The following EXT1 variants were observed in gnomAD, a reference collection of about 807,000 sequenced individuals.
EXT1 encodes the protein exostosin-1.
EXT1 carries 20 observed loss-of-function variants against 82.5 expected under a neutral mutation model. That is an observed-to-expected ratio of 0.24 (90% CI 0.17 to 0.35). The LOEUF (loss-of-function observed/expected upper bound fraction) is 0.35, where lower values mean the gene tolerates loss of function less well. Ranked by LOEUF, EXT1 falls within the 10% of genes least tolerant of loss-of-function variation. The pLI, the probability that EXT1 is intolerant of heterozygous loss-of-function variation, is 1.00. For missense variants in EXT1, 757 were observed against 936.5 expected, an observed-to-expected ratio of 0.81 and a Z score of 2.50; for synonymous variants, 348 against 350.8, an observed-to-expected ratio of 0.99 and a Z score of 0.09.
intron 1 of EXT1, among the ~76,000 whole-genome samples, chr8:118,018,485 G>C (rs1473657298): frequency 6.6e-6 from 1 of 152,100 alleles, no homozygotes; most frequent in East Asian, 1.9e-4. Flanking sequence ...AACAGCCCTG[G>C]CAACACCTTG....
Position 117,795,805 on chromosome 8 carries a change from A to T in EXT1, c.*3907T>A, listed in dbSNP as rs1011834672. ...GACAGGGCAAGACTCTGTCTCAAAGAAAAAAAAAAGACTTGGTGTCAAAGG... is the reference window on the plus strand; with the variant it reads ...GACAGGGCAAGACTCTGTCTCAAAGTAAAAAAAAAGACTTGGTGTCAAAGG... On this transcript the variant is annotated 3_prime_UTR_variant, in exon 11 of 11. Coordinates refer to ENST00000378204, the MANE Select transcript of EXT1 (RefSeq NM_000127.3). 1 of 149,334 alleles carries T rather than the reference A, an allele frequency of 6.7e-6. No individual in the cohort carries two copies. The highest frequency in any genetic ancestry group is 1.5e-5 in the Non-Finnish European group (1 of 67,068). 9.3% of individuals were successfully genotyped at this position (149,334 alleles called of 1,614,324 possible).
At chr8:117,868,274 C>T (rs1812809414) in intron 1 of EXT1, among the ~76,000 whole-genome samples, 1 of 152,140 alleles carries the variant, frequency 6.6e-6, no homozygotes, top group South Asian at 2.1e-4. Flanking sequence ...TATGGGGAGC[C>T]ACTCAGTCCC....
chr8:117,968,208 C>A (rs773975330), intron 1 of EXT1, among the ~76,000 whole-genome samples: 1 of 152,154 alleles, frequency 6.6e-6, no homozygotes, highest in South Asian at 2.1e-4. Context: ...GGGGCCCAAG[C>A]GATCCTCCCA....
At chr8:118,106,867 T>C (rs1817810399) in intron 1 of EXT1, among the ~76,000 whole-genome samples, 1 of 152,264 alleles carries the variant, frequency 6.6e-6, no homozygotes, top group African/African-American at 2.4e-5. Flanking sequence ...TGTTAAAATA[T>C]ATAACTGATA....
intron 10 of EXT1, among the ~76,000 whole-genome samples, chr8:117,800,664 C>T (rs1823153086): frequency 6.6e-6 from 1 of 152,198 alleles, no homozygotes; most frequent in Non-Finnish European, 1.5e-5. Context: ...TCCTGCTTGA[C>T]TAAAACCCCC....
intron 1 of EXT1, among the ~76,000 whole-genome samples, chr8:118,101,613 C>T (rs181053387): frequency 1.3e-5 from 2 of 152,334 alleles, no homozygotes; most frequent in Non-Finnish European, 2.9e-5. Flanking sequence ...ATGCACAGTG[C>T]TTGGAGTGAA....
chr8:117,987,638 T>C (rs1053839632), intron 1 of EXT1, among the ~76,000 whole-genome samples: 2 of 152,236 alleles, frequency 1.3e-5, no homozygotes, highest in African/African-American at 4.8e-5. Context: ...TAAAGCTCAA[T>C]TTTAAAATGC....
rs567970719 is a variant in EXT1, at chr8:117,903,297, G to A, written c.963-66096C>T. Among the ~76,000 whole-genome samples the A allele has an allele frequency of 1.4e-4, 21 of 152,334 alleles. No individual in the cohort carries two copies. The South Asian group carries it at 4.1e-3, about 30-fold the overall frequency. ...TTTTAAGGAAAAGAACAGGGAGAGAGGAGGAGTGTTACTTGACTCTAATGC... is the reference window on the plus strand; with the variant it reads ...TTTTAAGGAAAAGAACAGGGAGAGAAGAGGAGTGTTACTTGACTCTAATGC... On this transcript the variant is annotated intron_variant, in intron 1 of 10. Coordinates refer to ENST00000378204, the MANE Select transcript of EXT1 (RefSeq NM_000127.3).
At chr8:117,983,113 T>C (rs77298456) in intron 1 of EXT1, among the ~76,000 whole-genome samples, 2,928 of 152,314 alleles carry the variant, frequency 0.019, 37 homozygotes, top group Middle Eastern at 0.031. Flanking sequence ...AAGACCTGTC[T>C]TCCTTTTCTA....
intron 8 of EXT1, among the ~76,000 whole-genome samples, chr8:117,810,931 C>A (rs1823308475): frequency 6.6e-6 from 1 of 152,196 alleles, no homozygotes; most frequent in South Asian, 2.1e-4. Flanking sequence ...TAGCCACGTC[C>A]TTCCATGATC....
chr8:117,865,127 C>T (rs1213829759), intron 1 of EXT1, among the ~76,000 whole-genome samples: 4 of 152,060 alleles, frequency 2.6e-5, no homozygotes. Context: ...ATTTCACTTC[C>T]CACTTATTAG....
At position 117,916,736 on chromosome 8, in the gene EXT1, A is replaced by AACCC. The variant is rs575812047; in HGVS notation, c.963-79539_963-79536dup. On this transcript the variant is annotated intron_variant, in intron 1 of 10. Coordinates refer to ENST00000378204, the MANE Select transcript of EXT1 (RefSeq NM_000127.3). ...GAGACTAGTCTGGCCAACATGGTGA[A>AACCC]ACCCCGTCTCTACTAAAAATAGAAA... 6.4e-3 allele frequency among the ~76,000 whole-genome samples: 975 copies of AACCC among 152,106 alleles called. 10 individuals are homozygous for AACCC. The highest frequency in any genetic ancestry group is 0.021 in the African/African-American group (884 of 41,476).
At chr8:118,092,547 G>A (rs1817540868) in intron 1 of EXT1, among the ~76,000 whole-genome samples, 1 of 152,156 alleles carries the variant, frequency 6.6e-6, no homozygotes, top group African/African-American at 2.4e-5. Context: ...TACTGCCCCT[G>A]TCTAAATTCC....
chr8:118,082,745 C>G (rs187452466), intron 1 of EXT1, among the ~76,000 whole-genome samples: 2 of 152,178 alleles, frequency 1.3e-5, no homozygotes, highest in African/African-American at 4.8e-5. Context: ...GAGCTGAACA[C>G]GTTTTCTTTT....
intron 1 of EXT1, among the ~76,000 whole-genome samples, chr8:118,026,443 T>C (rs987783771): frequency 6.6e-6 from 1 of 152,254 alleles, no homozygotes; most frequent in Admixed American, 6.5e-5. Context: ...CAATTAAACA[T>C]AATGAACCTG....
chr8:117,824,195 A>T (rs1169461104), intron 4 of EXT1, among the ~76,000 whole-genome samples: 1 of 152,234 alleles, frequency 6.6e-6, no homozygotes, highest in Non-Finnish European at 1.5e-5. Context: ...TAAATTGACA[A>T]TAGACAGCAT....
chr8:117,869,811 T>TAC lies in EXT1; in HGVS notation c.963-32612_963-32611dup, dbSNP rs533242323. ...ATTTTCCCTCATATTTATATTTACA[T>TAC]ACACACACACACTCACACATATATA... On this transcript the variant is annotated intron_variant, in intron 1 of 10. Coordinates refer to ENST00000378204, the MANE Select transcript of EXT1 (RefSeq NM_000127.3). Among the ~76,000 whole-genome samples, 107 of 152,106 alleles carry TAC rather than the reference T, an allele frequency of 7.0e-4. 2 individuals carry two copies. The South Asian group carries it at 0.013, about 18-fold the overall frequency.
intron 1 of EXT1, among the ~76,000 whole-genome samples, chr8:117,887,192 A>G (rs765791413): frequency 1.3e-5 from 2 of 152,158 alleles, no homozygotes; most frequent in East Asian, 3.8e-4. Context: ...ATTTTCTAAG[A>G]TATCTATTGG....
intron 1 of EXT1, among the ~76,000 whole-genome samples, chr8:118,095,227 T>C (rs1817589359): frequency 6.6e-6 from 1 of 152,224 alleles, no homozygotes; most frequent in South Asian, 2.1e-4. Context: ...CCTTTTGCCC[T>C]CTGTTATCCC....
Sources: allele counts gnomAD v4.1 joint callset (sites outside exome capture counted in the v4.1 genomes callset), GRCh38; gene constraint gnomAD v4.1.1; transcripts MANE v1.5; gene names NCBI Gene and HGNC (gene_info 2026-07-23, HGNC 2026-07-21).